POPDC2: variants seen among roughly 807,000 people sequenced by gnomAD.
POPDC2 encodes popeye domain cAMP effector 2, also known as popeye domain-containing protein 2.
In POPDC2, 24 loss-of-function variants were observed where a neutral mutation model predicts 30.5. The observed-to-expected ratio is 0.79, with a 90% CI of 0.57 to 1.11. POPDC2 has a LOEUF of 1.11. Ranked by LOEUF, POPDC2 falls within the 50% of genes least tolerant of loss-of-function variation. The probability of loss-of-function intolerance (pLI) is 0.00; values close to 1 mark genes in which losing one functional copy is unlikely to be tolerated. For synonymous variants in POPDC2, 185 were observed against 183.3 expected, an observed-to-expected ratio of 1.01 and a Z score of -0.07; for missense variants, 409 against 447.0, an observed-to-expected ratio of 0.91 and a Z score of 0.77.
At chr3:119,652,799 A>C (rs576859256) in intron 2 of POPDC2, among the ~76,000 whole-genome samples, 4 of 152,304 alleles carry the variant, frequency 2.6e-5, no homozygotes, top group Admixed American at 2.0e-4. Flanking sequence ...TGACCCTGGC[A>C]GTGGGATCAG....
In POPDC2 at chr3:119,652,628, T is replaced by C. The variant is rs974586928; in HGVS notation, c.600+1877A>G. Among the ~76,000 whole-genome samples, 37 of 152,314 alleles carry C rather than the reference T, an allele frequency of 2.4e-4. 1 individual carries two copies. In the East Asian group the frequency reaches 6.2e-3, roughly 25 times the overall value. ...CACCACCTGTTCCTCCGTGTCAGTGTCAGAAAGAGGCCTGGTCCAGCTGGC... is the reference window on the plus strand; with the variant it reads ...CACCACCTGTTCCTCCGTGTCAGTGCCAGAAAGAGGCCTGGTCCAGCTGGC... On this transcript the variant is annotated intron_variant, in intron 2 of 3. Transcript: ENST00000493094.
chr3:119,650,996 T>G (rs1456627301), intron 2 of POPDC2, among the ~76,000 whole-genome samples: 1 of 152,204 alleles, frequency 6.6e-6, no homozygotes, highest in African/African-American at 2.4e-5. Flanking sequence ...TTCCTTGATC[T>G]TCTCTTTCTC....
Position 119,660,133 on chromosome 3 carries a change from G to A in POPDC2, c.291C>T (p.Tyr97=). ...VCLLQLAHLV[Y]RLREDTLPEE... ...CAGGGAGGGTGTCCTCACGCAGGCGGTATACCAGGTGTGCCAGCTGGAGCA... is the reference window on the plus strand; with the variant it reads ...CAGGGAGGGTGTCCTCACGCAGGCGATATACCAGGTGTGCCAGCTGGAGCA... Residue 97 remains tyrosine (Y), a synonymous_variant, in exon 1 of 4, where the codon TAC becomes TAT. Coordinates refer to ENST00000493094, the MANE Select transcript of POPDC2 (RefSeq NM_001369919.2). 6.2e-7 allele frequency: 1 copy of A among 1,614,224 alleles called. No homozygotes were observed. Among genetic ancestry groups the A allele is most frequent in the South Asian group, 1.1e-5 (1 of 91,082 alleles).
At chr3:119,653,213 C>T (rs140894112) in intron 2 of POPDC2, among the ~76,000 whole-genome samples, 2 of 152,198 alleles carry the variant, frequency 1.3e-5, no homozygotes, top group East Asian at 3.8e-4. Flanking sequence ...GCCTTAGTTT[C>T]CTCAGTTGTT....
At chr3:119,659,389 C>A (rs1453522554) in intron 1 of POPDC2, among the ~76,000 whole-genome samples, 3 of 152,202 alleles carry the variant, frequency 2.0e-5, no homozygotes, top group Non-Finnish European at 4.4e-5. Context: ...CATACAGCTA[C>A]CCCAAACACA....
intron 2 of POPDC2, among the ~76,000 whole-genome samples, chr3:119,652,987 G>C (rs2052829518): frequency 6.6e-6 from 1 of 151,996 alleles, no homozygotes; most frequent in East Asian, 1.9e-4. Context: ...TCCAGGTCCA[G>C]CAAACTATCC....
At chr3:119,646,588 C>T (rs541448284) in intron 3 of POPDC2, among the ~76,000 whole-genome samples, 15 of 152,054 alleles carry the variant, frequency 9.9e-5, no homozygotes, top group East Asian at 3.9e-4. Context: ...TGCAGTGAGC[C>T]GACATCATGC....
intron 3 of POPDC2, among the ~76,000 whole-genome samples, chr3:119,647,086 T>C (rs1297123015): frequency 6.6e-6 from 1 of 152,216 alleles, no homozygotes; most frequent in Non-Finnish European, 1.5e-5. Context: ...TCATCAGTCA[T>C]CTCTATGGCC....
rs1472559537 is a variant in POPDC2 at position 119,660,101 on chromosome 3, A to G, written c.323T>C (p.Phe108Ser). ...GCACAGCGTCTTGTAGAGGAGGTCA[A>G]ACTCCTCAGGGAGGGTGTCCTCACG... is the stretch of plus-strand genomic sequence containing the variant. ...RLREDTLPEE[F>S]DLLYKTLCLP... Residue 108 changes from phenylalanine (F) to serine (S), a missense_variant, in exon 1 of 4, where the codon TTT becomes TCT. Phe to Ser is a radical substitution (Grantham distance 155). Transcript: ENST00000493094. 1 of 1,614,124 alleles carries G rather than the reference A, an allele frequency of 6.2e-7. No homozygotes were observed. The highest frequency in any genetic ancestry group is 1.3e-5 in the African/African-American group (1 of 74,944).
Position 119,660,265 on chromosome 3 carries a change from A to G in POPDC2, c.159T>C (p.Leu53=). Residue 53 remains leucine (L), a synonymous_variant, in exon 1 of 4, where the codon CTT becomes CTC. Coordinates refer to ENST00000493094, the MANE Select transcript of POPDC2 (RefSeq NM_001369919.2). The part of the protein sequence containing the change: ...GGSGVYGCFY[L]FGFLSAGYLC... ...GGTAACCTGCACTCAGGAAGCCAAAAAGATAGAAGCATCCATACACCCCAC... is the reference window on the plus strand; with the variant it reads ...GGTAACCTGCACTCAGGAAGCCAAAGAGATAGAAGCATCCATACACCCCAC... 1.9e-6 allele frequency: 3 copies of G among 1,614,200 alleles called. No homozygotes were observed. Among genetic ancestry groups the G allele is most frequent in the Non-Finnish European group, 2.5e-6 (3 of 1,180,040 alleles).
At chr3:119,657,659 G>T (rs372906712) in intron 1 of POPDC2, among the ~76,000 whole-genome samples, 1 of 152,214 alleles carries the variant, frequency 6.6e-6, no homozygotes, top group Admixed American at 6.5e-5. Flanking sequence ...CTCCTTAGGC[G>T]AGGATTTCGG....
intron 3 of POPDC2, among the ~76,000 whole-genome samples, chr3:119,643,131 C>T (rs2052709453): frequency 6.6e-6 from 1 of 152,202 alleles, no homozygotes; most frequent in Non-Finnish European, 1.5e-5. Flanking sequence ...CTTTCAAGAG[C>T]AAGTTTTCCG....
intron 3 of POPDC2, chr3:119,643,484 T>C (rs1168744863): frequency 1.5e-6 from 2 of 1,306,838 alleles, no homozygotes; most frequent in African/African-American, 2.9e-5. Flanking sequence ...AGAGAGAGAC[T>C]GCTAAACAAT....
Position 119,660,253 on chromosome 3 carries a change from C to A in POPDC2, c.171G>T (p.Leu57=). 9 of 1,614,192 alleles carry A rather than the reference C, an allele frequency of 5.6e-6. No homozygotes were observed. Among genetic ancestry groups the A allele is most frequent in the Non-Finnish European group, 7.6e-6 (9 of 1,180,032 alleles). ...GCACGCAGCACAGGTAACCTGCACT[C>A]AGGAAGCCAAAAAGATAGAAGCATC... The part of the protein sequence containing the change: ...VYGCFYLFGF[L]SAGYLCCVLW... The change falls in exon 1 of 4, where the codon CTG becomes CTT. Residue 57 remains leucine, a synonymous_variant. Transcript: ENST00000493094.
chr3:119,648,082 G>C, intron 3 of POPDC2, 37 bp downstream of exon 3: 4 of 1,410,222 alleles, frequency 2.8e-6, no homozygotes, highest in Non-Finnish European at 3.7e-6. Flanking sequence ...GCCAGCCATT[G>C]ACAGGAATGT....
At chr3:119,656,609 G>T (rs1255986100) in intron 1 of POPDC2, among the ~76,000 whole-genome samples, 8 of 152,206 alleles carry the variant, frequency 5.3e-5, no homozygotes, top group Non-Finnish European at 2.9e-5. Flanking sequence ...AGGACAGGGA[G>T]TGTATTTCAG....
intron 3 of POPDC2, among the ~76,000 whole-genome samples, chr3:119,647,555 C>G (rs1369023198): frequency 6.6e-6 from 1 of 152,240 alleles, no homozygotes; most frequent in Non-Finnish European, 1.5e-5. Flanking sequence ...ATCTAGTCCT[C>G]TGTCTGTGTG....
intron 3 of POPDC2, among the ~76,000 whole-genome samples, chr3:119,644,799 C>T (rs186069004): frequency 5.3e-5 from 8 of 151,890 alleles, no homozygotes; most frequent in African/African-American, 1.7e-4. Flanking sequence ...TGAATGGTGC[C>T]CTACTTTATG....
chr3:119,647,977 C>T (rs1450261568), intron 3 of POPDC2, 142 bp downstream of exon 3: 1 of 588,826 alleles, frequency 1.7e-6, no homozygotes, highest in Admixed American at 3.4e-5. Flanking sequence ...GAGTGAGTTG[C>T]TATCTTCAAA....
Sources: gnomAD v4.1 joint callset for allele counts (sites outside exome capture counted in the v4.1 genomes callset) on GRCh38, gnomAD v4.1.1 for gene constraint, MANE v1.5 for transcripts, NCBI Gene and HGNC (gene_info 2026-07-23, HGNC 2026-07-21) for gene names.